THSD4: variants seen among roughly 807,000 people sequenced by gnomAD.
The protein encoded by THSD4 is thrombospondin type 1 domain containing 4, also known as thrombospondin type-1 domain-containing protein 4.
In THSD4, 69 loss-of-function variants were observed where a neutral mutation model predicts 119.0. The ratio of observed to expected loss-of-function variants is 0.58; its 90% confidence interval spans 0.48 to 0.71. The LOEUF (loss-of-function observed/expected upper bound fraction) is 0.71, where lower values mean the gene tolerates loss of function less well. THSD4 is among the 30% of genes least tolerant of loss of function. The pLI is 0.00. For missense variants in THSD4, 1,393 were observed against 1,391.1 expected (o/e 1.00, Z -0.02); for synonymous variants, 524 against 540.4 (o/e 0.97, Z 0.42).
rs2040642160 is a variant in THSD4, at chr15:71,144,928, C to A, written c.29+3372C>A. ...AATCCTTAATGAGGAATGTTTGTCACCTGTTAAAAATTAGAAAGGAAATGG... is the reference window on the plus strand; with the variant it reads ...AATCCTTAATGAGGAATGTTTGTCAACTGTTAAAAATTAGAAAGGAAATGG... On this transcript the variant is annotated intron_variant, in intron 2 of 17. Coordinates refer to ENST00000261862, the MANE Select transcript of THSD4 (RefSeq NM_024817.3). 3.3e-5 allele frequency among the ~76,000 whole-genome samples: 5 copies of A among 152,004 alleles called. No homozygotes were observed. The South Asian group carries it at 1.0e-3, about 32-fold the overall frequency.
At chr15:71,723,541 G>A (rs555816811) in intron 8 of THSD4, among the ~76,000 whole-genome samples, 1 of 152,320 alleles carries the variant, frequency 6.6e-6, no homozygotes, top group African/African-American at 2.4e-5. Flanking sequence ...ACTATGTGGT[G>A]AGCACTATGC....
chr15:71,387,232 A>G (rs1277068666), intron 6 of THSD4, among the ~76,000 whole-genome samples: 2 of 151,864 alleles, frequency 1.3e-5, no homozygotes, highest in African/African-American at 4.8e-5. Flanking sequence ...CTGAGAGACT[A>G]TAGAAAGGGA....
chr15:71,347,739 A>G (rs574513353), intron 6 of THSD4, among the ~76,000 whole-genome samples: 143 of 152,340 alleles, frequency 9.4e-4, no homozygotes, highest in Non-Finnish European at 1.5e-3. Flanking sequence ...ATAGCCGCAT[A>G]TGACTAGTGG....
chr15:71,727,587 TACAC>T (rs367823728), intron 8 of THSD4, among the ~76,000 whole-genome samples: 5 of 9,282 alleles, frequency 5.4e-4, no homozygotes, highest in African/African-American at 1.0e-3. Context: ...TATATATATA[TACAC>T]ACACACACAC....
chr15:71,222,611 T>TG (rs1185835802), intron 4 of THSD4, among the ~76,000 whole-genome samples: 1 of 152,066 alleles, frequency 6.6e-6, no homozygotes, highest in African/African-American at 2.4e-5. Context: ...CTCAGGTGTT[T>TG]GGGGGTGAAA....
upstream of THSD4, chr15:71,115,146 G>A (rs1393981153): frequency 6.6e-6 from 1 of 152,386 alleles, no homozygotes; most frequent in African/African-American, 2.4e-5. The surrounding 1 kb of genome is among the most constrained non-coding windows in gnomAD (Gnocchi z 4.4). Flanking sequence ...TAAGATGAAC[G>A]CGGAATTCAG....
chr15:71,549,490 A>T (rs1489999121), intron 7 of THSD4: 1 of 152,168 alleles, frequency 6.6e-6, no homozygotes, highest in African/African-American at 2.4e-5. Flanking sequence ...GAGCATGAGT[A>T]TGAGTAGCCC....
intron 7 of THSD4, among the ~76,000 whole-genome samples, chr15:71,643,422 G>A (rs534189115): frequency 1.3e-5 from 2 of 151,832 alleles, no homozygotes; most frequent in Admixed American, 6.6e-5. Context: ...ACGAAGCCTA[G>A]TACCCAATAG....
intron 7 of THSD4, among the ~76,000 whole-genome samples, chr15:71,570,428 A>G (rs886330202): frequency 2.0e-5 from 3 of 147,978 alleles, no homozygotes; most frequent in Admixed American, 1.4e-4. Flanking sequence ...TTTTTTTGAG[A>G]TGGAGTCTTG....
Position 71,349,245 on chromosome 15 carries a change from A to G in THSD4, c.1016-62442A>G, listed in dbSNP as rs1354062333. Among the ~76,000 whole-genome samples, 3 of 152,276 alleles carry G rather than the reference A, an allele frequency of 2.0e-5. No individual in the cohort carries two copies. The East Asian group carries it at 5.8e-4, about 29-fold the overall frequency. ...AGGGATTAAAGTAGATATGTTGTATACAAAATGTAAATTGGATACAGAAGT... is the reference window on the plus strand; with the variant it reads ...AGGGATTAAAGTAGATATGTTGTATGCAAAATGTAAATTGGATACAGAAGT... On this transcript the variant is annotated intron_variant, in intron 6 of 17. Transcript: ENST00000261862.
Position 71,654,121 on chromosome 15 carries a change from A to G in THSD4, c.1153-6409A>G, listed in dbSNP as rs77441220. Among the ~76,000 whole-genome samples, 14 of 152,330 alleles carry G rather than the reference A, an allele frequency of 9.2e-5. 1 individual carries two copies. The East Asian group carries it at 2.7e-3, about 29-fold the overall frequency. On this transcript the variant is annotated intron_variant, in intron 7 of 17. Transcript: ENST00000261862. ...AAGCAGCCATAGACAATAACTAAAC[A>G]AATGGGAGTGTTTGTGTTCTAATAA...
intron 8 of THSD4, among the ~76,000 whole-genome samples, chr15:71,667,479 T>C (rs2051438938): frequency 6.6e-6 from 1 of 152,208 alleles, no homozygotes; most frequent in South Asian, 2.1e-4. Context: ...TGTTAGATTG[T>C]CATAGAGTTT....
intron 7 of THSD4, among the ~76,000 whole-genome samples, chr15:71,553,969 G>A (rs182938931): frequency 2.0e-5 from 3 of 151,900 alleles, no homozygotes; most frequent in Admixed American, 2.0e-4. Flanking sequence ...TTGGCTCTCG[G>A]CTGTATTTTA....
chr15:71,686,533 C>T (rs2051913919), intron 8 of THSD4, among the ~76,000 whole-genome samples: 1 of 152,160 alleles, frequency 6.6e-6, no homozygotes, highest in African/African-American at 2.4e-5. Context: ...TTGATATAAA[C>T]CATGAAATCA....
At chr15:71,375,111 A>G (rs1439801091) in intron 6 of THSD4, among the ~76,000 whole-genome samples, 4 of 152,120 alleles carry the variant, frequency 2.6e-5, no homozygotes, top group Non-Finnish European at 5.9e-5. Context: ...GATGTTGCAA[A>G]TGTATGCATT....
chr15:71,207,079 TATTC>T (rs1209445988), intron 3 of THSD4, among the ~76,000 whole-genome samples: 1 of 152,248 alleles, frequency 6.6e-6, no homozygotes, highest in African/African-American at 2.4e-5. Flanking sequence ...TGCTCTGTAT[TATTC>T]ATGATTATGA....
chr15:71,608,503 C>T (rs1390034409), intron 7 of THSD4, among the ~76,000 whole-genome samples: 1 of 152,100 alleles, frequency 6.6e-6, no homozygotes, highest in Non-Finnish European at 1.5e-5. Context: ...TTTATTTAAT[C>T]ATTTCCCTAA....
intron 5 of THSD4, 77 bp downstream of exon 5, chr15:71,243,173 A>T: frequency 1.4e-6 from 2 of 1,437,926 alleles, no homozygotes; most frequent in Non-Finnish European, 1.9e-6. Flanking sequence ...AAGCATGATG[A>T]AGACAGCAAG....
At chr15:71,270,290 A>G (rs1161231877) in intron 6 of THSD4, among the ~76,000 whole-genome samples, 2 of 152,238 alleles carry the variant, frequency 1.3e-5, no homozygotes, top group Non-Finnish European at 2.9e-5. Flanking sequence ...CCTCAGAAAT[A>G]ATGCCACACT....
Sources: gnomAD v4.1 joint callset for allele counts (sites outside exome capture counted in the v4.1 genomes callset) on GRCh38, gnomAD v4.1.1 for gene constraint, Gnocchi (gnomAD v3.1) non-coding constraint, MANE v1.5 for transcripts, NCBI Gene and HGNC (gene_info 2026-07-23, HGNC 2026-07-21) for gene names.